Variants in CAMKMT observed in about 807,000 individuals in gnomAD.
The protein encoded by CAMKMT is CaM KMT.
In CAMKMT, 53 loss-of-function variants were observed where a neutral mutation model predicts 48.0. That is an observed-to-expected ratio of 1.10 (90% CI 0.89 to 1.39). CAMKMT has a LOEUF of 1.39. Ranked by LOEUF, CAMKMT falls within the 40% of genes most tolerant of loss-of-function variation. The pLI is 0.00. For missense variants in CAMKMT, 428 were observed against 402.7 expected (o/e 1.06, Z -0.54); for synonymous variants, 165 against 152.3 (o/e 1.08, Z -0.61).
chr2:44,689,045 G>T (rs1416989202), intron 3 of CAMKMT, among the ~76,000 whole-genome samples: 1 of 152,286 alleles, frequency 6.6e-6, no homozygotes, highest in South Asian at 2.1e-4. Context: ...GCAGGAAAAT[G>T]CTTTAGAAAT....
intron 3 of CAMKMT, among the ~76,000 whole-genome samples, chr2:44,671,261 G>T (rs1675309973): frequency 6.6e-6 from 1 of 151,938 alleles, no homozygotes. Context: ...CTTCAGATCT[G>T]CATCCTTTCC....
chr2:44,502,326 G>C (rs746997953), intron 3 of CAMKMT, among the ~76,000 whole-genome samples: 6 of 151,902 alleles, frequency 3.9e-5, no homozygotes, highest in Non-Finnish European at 8.8e-5. Context: ...GTGCTCTTGT[G>C]TGCCCTGTGA....
At chr2:44,381,591 T>C (rs75719065) in intron 2 of CAMKMT, among the ~76,000 whole-genome samples, 185 of 152,342 alleles carry the variant, frequency 1.2e-3, no homozygotes, top group African/African-American at 4.3e-3. Context: ...CATAAAGTTC[T>C]GGTTCAATAA....
At chr2:44,499,078 G>C (rs1479628232) in intron 3 of CAMKMT, among the ~76,000 whole-genome samples, 1 of 152,142 alleles carries the variant, frequency 6.6e-6, no homozygotes, top group African/African-American at 2.4e-5. Flanking sequence ...GCAATTCTGA[G>C]ATGAGTGACC....
At chr2:44,459,667 C>G (rs910307762) in intron 3 of CAMKMT, among the ~76,000 whole-genome samples, 7 of 152,148 alleles carry the variant, frequency 4.6e-5, no homozygotes, top group Non-Finnish European at 1.0e-4. Flanking sequence ...CCCCATATCC[C>G]CCGCAATAGG....
intron 8 of CAMKMT, 37 bp from the exon 9 acceptor site, chr2:44,754,018 C>T (rs370552378): frequency 1.3e-6 from 2 of 1,549,380 alleles, no homozygotes; most frequent in African/African-American, 1.4e-5. Context: ...CTTGAAAACC[C>T]AGTTTAATCT....
chr2:44,740,098 T>G (rs1285080659), intron 7 of CAMKMT, among the ~76,000 whole-genome samples: 1 of 151,412 alleles, frequency 6.6e-6, no homozygotes, highest in Admixed American at 6.6e-5. Flanking sequence ...GGTAGGAGTT[T>G]ATGGAAGTTC....
chr2:44,706,220 A>G, intron 4 of CAMKMT, 67 bp from the exon 5 acceptor site: 2 of 1,535,666 alleles, frequency 1.3e-6, no homozygotes, highest in South Asian at 1.1e-5. Flanking sequence ...TTCTTGTAAC[A>G]TATATCTCTC....
At chr2:44,417,604 G>T (rs1368761976) in intron 3 of CAMKMT, among the ~76,000 whole-genome samples, 1 of 152,080 alleles carries the variant, frequency 6.6e-6, no homozygotes, top group Non-Finnish European at 1.5e-5. Flanking sequence ...TTGTATAAGT[G>T]TACATTTAAC....
chr2:44,615,960 A>G (rs969646984), intron 3 of CAMKMT, among the ~76,000 whole-genome samples: 1 of 152,182 alleles, frequency 6.6e-6, no homozygotes, highest in Admixed American at 6.5e-5. Flanking sequence ...ATTACAGCCT[A>G]TTCTCTGTCC....
At chr2:44,702,722 C>T (rs1396643101) in intron 3 of CAMKMT, among the ~76,000 whole-genome samples, 1 of 152,228 alleles carries the variant, frequency 6.6e-6, no homozygotes, top group African/African-American at 2.4e-5. Flanking sequence ...TTCCTTGTTT[C>T]TCCCTCAAGC....
chr2:44,483,129 T>C (rs1313474780), intron 3 of CAMKMT, among the ~76,000 whole-genome samples: 5 of 152,160 alleles, frequency 3.3e-5, no homozygotes. Flanking sequence ...CATTTTCCCA[T>C]TCAGGCCTGA....
chr2:44,379,657 T>G (rs1680044043), intron 2 of CAMKMT, among the ~76,000 whole-genome samples: 1 of 152,198 alleles, frequency 6.6e-6, no homozygotes, highest in Non-Finnish European at 1.5e-5. Context: ...GATATGCATT[T>G]CTCTATTGTC....
At chr2:44,365,121 G>A (rs1678453531) in intron 1 of CAMKMT, among the ~76,000 whole-genome samples, 1 of 152,104 alleles carries the variant, frequency 6.6e-6, no homozygotes, top group Non-Finnish European at 1.5e-5. Context: ...ATCTAGTACT[G>A]GAAAACTATA....
At chr2:44,496,488 A>G (rs894989035) in intron 3 of CAMKMT, among the ~76,000 whole-genome samples, 1 of 152,194 alleles carries the variant, frequency 6.6e-6, no homozygotes, top group African/African-American at 2.4e-5. Context: ...AGCATTTTCC[A>G]CTTTTGACTA....
Position 44,755,147 on chromosome 2 carries a change from A to C in CAMKMT, c.762+1029A>C, listed in dbSNP as rs966421098. On this transcript the variant is annotated intron_variant, in intron 9 of 10. Transcript: ENST00000378494. ...ATACACTGTTGCTTTTTATTTTGCT[A>C]TCTCTATGTAGCTCAGAAACTTAAA... Among the ~76,000 whole-genome samples, 3 of 152,054 alleles carry C rather than the reference A, an allele frequency of 2.0e-5. No homozygotes were observed. In the East Asian group the frequency reaches 5.8e-4, roughly 29 times the overall value.
chr2:44,429,281 G>C lies in CAMKMT; in HGVS notation c.376+38976G>C, dbSNP rs199935156. Among the ~76,000 whole-genome samples, 3 of 28,684 alleles carry C rather than the reference G, an allele frequency of 1.0e-4. No individual in the cohort carries two copies. In the Admixed American group the frequency reaches 1.6e-3, roughly 16 times the overall value. The allele number at this position is 28,684 out of a possible 152,430, so 18.8% of individuals were successfully genotyped here. ...TATATGTGTGTGTGTGTGTGTATGT[G>C]TGTGTGTGTGTGTGTGTGTGTGTGT... On this transcript the variant is annotated intron_variant, in intron 3 of 10. Transcript: ENST00000378494.
chr2:44,563,288 A>G (rs1178477484), intron 3 of CAMKMT, among the ~76,000 whole-genome samples: 1 of 151,640 alleles, frequency 6.6e-6, no homozygotes, highest in Non-Finnish European at 1.5e-5. Context: ...ACTGTTTTAT[A>G]ACCTGACTTT....
In CAMKMT at chr2:44,457,239, G is replaced by A. The variant is rs1456032651; in HGVS notation, c.376+66934G>A. The A allele has an allele frequency of 2.0e-5, 3 of 151,906 alleles. No homozygotes were observed. In the East Asian group the frequency reaches 5.8e-4, roughly 29 times the overall value. 9.4% of individuals were successfully genotyped at this position (151,906 alleles called of 1,614,324 possible). ...TCTGCATACAAATAAAAACATGTAT[G>A]GTTGCATATATTTCTGTATACTTAA... On this transcript the variant is annotated intron_variant, in intron 3 of 10. Transcript: ENST00000378494.
Sources: allele counts gnomAD v4.1 joint callset (sites outside exome capture counted in the v4.1 genomes callset), GRCh38; gene constraint gnomAD v4.1.1; transcripts MANE v1.5; gene names NCBI Gene and HGNC (gene_info 2026-07-23, HGNC 2026-07-21).